Variants in SCIN observed in about 807,000 individuals in gnomAD.
SCIN encodes scinderin.
In SCIN, 91 loss-of-function variants were observed where a neutral mutation model predicts 91.8. The ratio of observed to expected loss-of-function variants is 0.99; its 90% CI spans 0.84 to 1.18. The LOEUF (loss-of-function observed/expected upper bound fraction) is 1.18, where lower values mean the gene tolerates loss of function less well. Ranked by LOEUF, SCIN falls within the 50% of genes most tolerant of loss-of-function variation. SCIN has a pLI of 0.00. For missense variants in SCIN, 1,087 were observed against 863.9 expected, an observed-to-expected ratio of 1.26 and a Z score of -3.24; for synonymous variants, 367 against 312.6, an observed-to-expected ratio of 1.17 and a Z score of -1.84.
intron 4 of SCIN, among the ~76,000 whole-genome samples, chr7:12,608,039 C>G (rs187931761): frequency 4.6e-5 from 7 of 152,126 alleles, no homozygotes; most frequent in Non-Finnish European, 1.0e-4. Flanking sequence ...AGCTATTGTA[C>G]ACAACCTCAA....
chr7:12,588,188 A>G (rs1422537979), intron 3 of SCIN, among the ~76,000 whole-genome samples: 1 of 152,240 alleles, frequency 6.6e-6, no homozygotes, highest in East Asian at 1.9e-4. Context: ...ATAATGGGAA[A>G]GATACACCAA....
intron 9 of SCIN, 93 bp downstream of exon 9, chr7:12,629,315 T>TA (rs1783596785): frequency 2.5e-6 from 3 of 1,178,944 alleles, no homozygotes; most frequent in Non-Finnish European, 3.5e-6. Context: ...AGAATAATCC[T>TA]ATAATCATCC....
chr7:12,596,103 G>A lies in SCIN; in HGVS notation c.517-8411G>A, dbSNP rs375094858. On this transcript the variant is annotated intron_variant, in intron 3 of 15. Coordinates refer to ENST00000297029, the MANE Select transcript of SCIN (RefSeq NM_001112706.3). ...CCAAGCAGGTACCAAGGTCAAGCGCGGTGTTTACTTTGATCCTAGGATTTT... is the reference window on the plus strand; with the variant it reads ...CCAAGCAGGTACCAAGGTCAAGCGCAGTGTTTACTTTGATCCTAGGATTTT... 7.9e-5 allele frequency among the ~76,000 whole-genome samples: 12 copies of A among 152,246 alleles called. No individual in the cohort carries two copies. The East Asian group carries it at 9.7e-4, about 12-fold the overall frequency.
At chr7:12,597,071 T>C (rs532125540) in intron 3 of SCIN, among the ~76,000 whole-genome samples, 10 of 152,318 alleles carry the variant, frequency 6.6e-5, no homozygotes, top group African/African-American at 2.4e-4. Context: ...ACACAATATC[T>C]TTCAATACAT....
At chr7:12,630,932 G>T (rs763703921) in intron 9 of SCIN, among the ~76,000 whole-genome samples, 1 of 151,952 alleles carries the variant, frequency 6.6e-6, no homozygotes, top group Admixed American at 6.6e-5. Context: ...GCATTTATAG[G>T]GATAAATTAA....
chr7:12,632,743 G>A (rs1424819233), intron 9 of SCIN, among the ~76,000 whole-genome samples: 1 of 152,100 alleles, frequency 6.6e-6, no homozygotes, highest in East Asian at 1.9e-4. Context: ...AGACAGGTTT[G>A]GCCCACACTG....
intron 3 of SCIN, among the ~76,000 whole-genome samples, chr7:12,585,144 T>G (rs972343767): frequency 6.6e-6 from 1 of 152,210 alleles, no homozygotes; most frequent in African/African-American, 2.4e-5. Context: ...CCAGTCAGTC[T>G]TTAACCCACA....
chr7:12,621,013 C>A (rs764825705), intron 4 of SCIN, among the ~76,000 whole-genome samples: 1 of 152,072 alleles, frequency 6.6e-6, no homozygotes, highest in Admixed American at 6.6e-5. Flanking sequence ...AAATGCCAAT[C>A]GCGTGGGCAA....
intron 9 of SCIN, among the ~76,000 whole-genome samples, chr7:12,634,006 T>C (rs1783697993): frequency 6.6e-6 from 1 of 151,264 alleles, no homozygotes; most frequent in Non-Finnish European, 1.5e-5. Flanking sequence ...CATTTTTACA[T>C]CAACCATTTG....
intron 3 of SCIN, among the ~76,000 whole-genome samples, chr7:12,592,716 G>T (rs568005034): frequency 6.6e-6 from 1 of 151,734 alleles, no homozygotes; most frequent in East Asian, 2.0e-4. Flanking sequence ...TGAGAAAATG[G>T]CATCAAACAG....
rs35120183 is a variant in SCIN at position 12,608,321 on chromosome 7, G to GCACACACACACA, written c.666+3675_666+3686dup. 5.8e-3 allele frequency among the ~76,000 whole-genome samples: 864 copies of GCACACACACACA among 148,770 alleles called. 10 individuals are homozygous for GCACACACACACA. The highest frequency in any genetic ancestry group is 0.019 in the African/African-American group (766 of 40,356). ...CAGTCTATACTATGCATGCACACAT[G>GCACACACACACA]CACACACACACACACACACACACAC... On this transcript the variant is annotated intron_variant, in intron 4 of 15. Transcript: ENST00000297029.
chr7:12,623,495 G>T (rs987549989), intron 5 of SCIN, among the ~76,000 whole-genome samples: 1 of 152,276 alleles, frequency 6.6e-6, no homozygotes, highest in Non-Finnish European at 1.5e-5. Context: ...AAGAAAGTAG[G>T]TTCCTTCCAA....
rs556048140 is a variant in SCIN, at chr7:12,653,590, C to G, written c.*875C>G. 1 of 152,170 alleles carries G rather than the reference C, an allele frequency of 6.6e-6. No individual in the cohort carries two copies. The highest frequency in any genetic ancestry group is 2.1e-4 in the South Asian group (1 of 4,828). The allele number at this position is 152,170 out of a possible 1,614,324, so 9.4% of individuals were successfully genotyped here. A position where few individuals can be genotyped will look rare whatever the true frequency, so the allele number is the denominator to read the frequency against. On this transcript the variant is annotated 3_prime_UTR_variant, in exon 16 of 16. Coordinates refer to ENST00000297029, the MANE Select transcript of SCIN (RefSeq NM_001112706.3). This position sits in a 1 kb window ranked among gnomAD's most constrained non-coding sequence, Gnocchi z 4.1. Reference sequence around the variant, plus strand: ...ATCTTTTTTTTAACCTTATTAAAAGCCTTTGAAAACACAGCTCTTTCATGA... The same window carrying G: ...ATCTTTTTTTTAACCTTATTAAAAGGCTTTGAAAACACAGCTCTTTCATGA...
At chr7:12,641,133 C>T (rs1783849979) in intron 11 of SCIN, among the ~76,000 whole-genome samples, 1 of 152,170 alleles carries the variant, frequency 6.6e-6, no homozygotes, top group South Asian at 2.1e-4. Flanking sequence ...AGGTCTTCCA[C>T]ATCACCCTTA....
chr7:12,631,178 T>C (rs1049983131), intron 9 of SCIN, among the ~76,000 whole-genome samples: 2 of 152,232 alleles, frequency 1.3e-5, no homozygotes, highest in African/African-American at 4.8e-5. Flanking sequence ...ATTTGAGTTT[T>C]AAATAGTAGC....
chr7:12,645,251 G>A (rs558989890), intron 13 of SCIN, among the ~76,000 whole-genome samples: 12 of 152,082 alleles, frequency 7.9e-5, no homozygotes, highest in African/African-American at 2.4e-4. Flanking sequence ...CCCAGGAGGC[G>A]GAGGTTGCAG....
intron 13 of SCIN, among the ~76,000 whole-genome samples, chr7:12,647,701 A>G (rs756021008): frequency 2.0e-5 from 3 of 152,254 alleles, no homozygotes; most frequent in Non-Finnish European, 2.9e-5. Context: ...TAAAAAGATA[A>G]TATAAACAAA....
At chr7:12,611,326 A>T (rs1178420032) in intron 4 of SCIN, among the ~76,000 whole-genome samples, 1 of 152,212 alleles carries the variant, frequency 6.6e-6, no homozygotes, top group Non-Finnish European at 1.5e-5. Context: ...TAATAATTTG[A>T]TCATGGGAAC....
chr7:12,627,091 T>TAC (rs10654667), intron 8 of SCIN, among the ~76,000 whole-genome samples: 76,969 of 149,070 alleles, frequency 0.52, 20,325 homozygotes, highest in Admixed American at 0.65. Context: ...AATGTGTGTA[T>TAC]ACACACACAC....
Sources: gnomAD v4.1 joint callset for allele counts (sites outside exome capture counted in the v4.1 genomes callset) on GRCh38, gnomAD v4.1.1 for gene constraint, Gnocchi (gnomAD v3.1) non-coding constraint, MANE v1.5 for transcripts, NCBI Gene and HGNC (gene_info 2026-07-23, HGNC 2026-07-21) for gene names.